THSD7B: variants seen among roughly 807,000 people sequenced by gnomAD.
The protein encoded by THSD7B is thrombospondin type 1 domain containing 7B, also known as thrombospondin type-1 domain-containing protein 7B.
A neutral mutation model predicts 213.6 loss-of-function variants in THSD7B; 138 were observed. The observed-to-expected ratio is 0.65, with a 90% CI of 0.56 to 0.74. The LOEUF is 0.74. Among genes scored for constraint, THSD7B ranks in the 30% least tolerant of loss-of-function variants. The pLI is 0.00. For missense variants in THSD7B, 1,931 were observed against 1,991.5 expected (o/e 0.97, Z 0.58); for synonymous variants, 742 against 687.0 (o/e 1.08, Z -1.25).
chr2:137,339,955 G>A (rs145818042), intron 12 of THSD7B, among the ~76,000 whole-genome samples: 1 of 151,154 alleles, frequency 6.6e-6, no homozygotes, highest in Non-Finnish European at 1.5e-5. Context: ...TGCCTCATCT[G>A]CTGATATCCC....
At chr2:137,463,151 C>T (rs375060066) in intron 15 of THSD7B, among the ~76,000 whole-genome samples, 10 of 152,032 alleles carry the variant, frequency 6.6e-5, no homozygotes, top group Admixed American at 3.9e-4. Flanking sequence ...AAATCATGTT[C>T]GATTGTCATG....
At chr2:137,224,621 T>C (rs1252602490) in intron 7 of THSD7B, among the ~76,000 whole-genome samples, 1 of 152,202 alleles carries the variant, frequency 6.6e-6, no homozygotes, top group Non-Finnish European at 1.5e-5. Flanking sequence ...GACATAACAG[T>C]ATGTTTCTGA....
At chr2:137,070,324 G>A (rs1211390723) in intron 3 of THSD7B, among the ~76,000 whole-genome samples, 1 of 151,518 alleles carries the variant, frequency 6.6e-6, no homozygotes, top group African/African-American at 2.4e-5. Context: ...TTGTGTGTGT[G>A]CAGCCATAGT....
intron 15 of THSD7B, among the ~76,000 whole-genome samples, chr2:137,554,446 G>A (rs1401282071): frequency 6.6e-6 from 1 of 152,176 alleles, no homozygotes; most frequent in African/African-American, 2.4e-5. Flanking sequence ...GCATGGAGAG[G>A]TCAAACTGTG....
At chr2:137,337,699 T>C (rs909694224) in intron 12 of THSD7B, among the ~76,000 whole-genome samples, 1 of 152,130 alleles carries the variant, frequency 6.6e-6, no homozygotes, top group South Asian at 2.1e-4. Flanking sequence ...AGTGATTATC[T>C]AGTTTTCATC....
intron 2 of THSD7B, among the ~76,000 whole-genome samples, chr2:137,046,012 C>CT (rs144706408): frequency 0.086 from 12,908 of 149,770 alleles, 702 homozygotes; most frequent in East Asian, 0.23. Context: ...TTCTCTTCAA[C>CT]TTTTTTTTTT....
Position 137,575,923 on chromosome 2 carries a change from C to T in THSD7B, c.3423+3367C>T, listed in dbSNP as rs1162971454. On this transcript the variant is annotated intron_variant, in intron 17 of 27. Transcript: ENST00000409968. ...ACAAATATACAGACATTTCGTAGTT[C>T]ATTACTTACCACCCAATGTTCTCTT... 2.0e-5 allele frequency among the ~76,000 whole-genome samples: 3 copies of T among 151,394 alleles called. No individual in the cohort carries two copies. The East Asian group carries it at 5.8e-4, about 29-fold the overall frequency.
At chr2:136,922,441 C>T (rs987089712) in intron 2 of THSD7B, among the ~76,000 whole-genome samples, 1 of 152,122 alleles carries the variant, frequency 6.6e-6, no homozygotes, top group Non-Finnish European at 1.5e-5. Context: ...CATAAAACCA[C>T]ATTATTTTGG....
At chr2:137,076,187 G>A (rs1337982891) in intron 3 of THSD7B, among the ~76,000 whole-genome samples, 1 of 152,238 alleles carries the variant, frequency 6.6e-6, no homozygotes, top group Non-Finnish European at 1.5e-5. Context: ...CTCCAGAGGT[G>A]GAGCCTACAG....
At chr2:136,927,272 T>C (rs1306106764) in intron 2 of THSD7B, among the ~76,000 whole-genome samples, 3 of 90,838 alleles carry the variant, frequency 3.3e-5, no homozygotes, top group Non-Finnish European at 7.3e-5. Flanking sequence ...TAACTTGTTT[T>C]AGTCTTTTAA....
Position 137,569,980 on chromosome 2 carries a change from G to T in THSD7B, c.3273-2426G>T, listed in dbSNP as rs531184783. On this transcript the variant is annotated intron_variant, in intron 16 of 27. Transcript: ENST00000409968. ...ACATCAGCAGATAGTGTGCAGGCAG[G>T]AAGGGAAGCAATTTCCAGTTTTTAT... is the stretch of plus-strand genomic sequence containing the variant. Among the ~76,000 whole-genome samples the T allele has an allele frequency of 2.6e-5, 4 of 151,972 alleles. No homozygotes were observed. The East Asian group carries it at 7.7e-4, about 29-fold the overall frequency.
chr2:137,207,974 C>T (rs943979165), intron 7 of THSD7B, among the ~76,000 whole-genome samples: 1 of 152,016 alleles, frequency 6.6e-6, no homozygotes, highest in African/African-American at 2.4e-5. Context: ...GAAGTGTTCC[C>T]AGACCAAACA....
At chr2:137,168,357 T>C (rs142717463) in intron 6 of THSD7B, among the ~76,000 whole-genome samples, 353 of 152,336 alleles carry the variant, frequency 2.3e-3, no homozygotes, top group African/African-American at 8.3e-3. Context: ...CAATTGTCTA[T>C]CTTTCAGAAC....
At chr2:137,154,765 C>T (rs1244074458) in intron 5 of THSD7B, among the ~76,000 whole-genome samples, 2 of 152,132 alleles carry the variant, frequency 1.3e-5, no homozygotes, top group Admixed American at 1.3e-4. Context: ...CTCTTAATTA[C>T]AATTCATTTT....
At chr2:137,116,888 G>A (rs1688455324) in intron 5 of THSD7B, among the ~76,000 whole-genome samples, 1 of 152,108 alleles carries the variant, frequency 6.6e-6, no homozygotes, top group South Asian at 2.1e-4. Context: ...ATCTAAAGAG[G>A]AGGAAAATGT....
At chr2:137,038,849 T>C (rs572187025) in intron 2 of THSD7B, among the ~76,000 whole-genome samples, 16 of 152,074 alleles carry the variant, frequency 1.1e-4, no homozygotes, top group Non-Finnish European at 2.2e-4. Flanking sequence ...GATATAAAGG[T>C]GAGAGTAAGT....
chr2:137,204,149 T>C (rs1680934586), intron 7 of THSD7B, among the ~76,000 whole-genome samples: 2 of 152,110 alleles, frequency 1.3e-5, no homozygotes, highest in Non-Finnish European at 2.9e-5. Flanking sequence ...ATCTGTTACA[T>C]GGCACCTGGA....
intron 15 of THSD7B, among the ~76,000 whole-genome samples, chr2:137,460,545 A>G (rs756792305): frequency 1.2e-4 from 18 of 152,250 alleles, no homozygotes; most frequent in Middle Eastern, 3.4e-3. Context: ...GCTCAGATGA[A>G]TAGTAAAAGC....
intron 2 of THSD7B, among the ~76,000 whole-genome samples, chr2:136,938,416 T>G (rs562579188): frequency 3.1e-5 from 4 of 130,190 alleles, no homozygotes; most frequent in Admixed American, 2.9e-4. Flanking sequence ...ATCAAGCATA[T>G]TTTTTTTTGT....
Sources: gnomAD v4.1 joint callset for allele counts (sites outside exome capture counted in the v4.1 genomes callset) on GRCh38, gnomAD v4.1.1 for gene constraint, MANE v1.5 for transcripts, NCBI Gene and HGNC (gene_info 2026-07-23, HGNC 2026-07-21) for gene names.